The following DNAH6 variants were observed in gnomAD, a reference collection of about 807,000 sequenced individuals.
DNAH6 encodes the protein axonemal beta dynein heavy chain 6.
Under a neutral mutation model 491.4 loss-of-function variants are expected in DNAH6, and 340 were observed. That is an observed-to-expected ratio of 0.69 (90% confidence interval 0.63 to 0.76). The LOEUF (loss-of-function observed/expected upper bound fraction) is 0.76. Among genes scored for constraint, DNAH6 ranks in the 30% least tolerant of loss-of-function variants. DNAH6 has a pLI of 0.00. For synonymous variants in DNAH6, 1,603 were observed against 1,686.1 expected, an observed-to-expected ratio of 0.95 and a Z score of 1.21; for missense variants, 4,443 against 4,972.2, an observed-to-expected ratio of 0.89 and a Z score of 3.20.
At chr2:84,494,287 T>G in the DNAH6 span, among the ~76,000 whole-genome samples, 6 of 152,168 alleles carry the variant, frequency 3.9e-5, no homozygotes, top group South Asian at 2.1e-4. Context: ...CAATGTTGAT[T>G]TGTTTGCCGG....
At chr2:84,734,257 C>T (rs1294094207) in intron 62 of DNAH6, among the ~76,000 whole-genome samples, 1 of 151,162 alleles carries the variant, frequency 6.6e-6, no homozygotes, top group African/African-American at 2.4e-5. Context: ...TCTCTGGCCT[C>T]AGCCTCCCTA....
chr2:84,663,661 G>A (rs890188696), intron 37 of DNAH6, among the ~76,000 whole-genome samples: 1 of 152,088 alleles, frequency 6.6e-6, no homozygotes, highest in Non-Finnish European at 1.5e-5. Flanking sequence ...GAACCAAGTT[G>A]GAAAACACTC....
intron 67 of DNAH6, 151 bp from the exon 68 acceptor site, chr2:84,787,013 A>T: frequency 3.7e-6 from 2 of 543,892 alleles, no homozygotes; most frequent in Non-Finnish European, 3.1e-6. Flanking sequence ...TGTTTGGTGA[A>T]AGCCTAGCTG....
At chr2:84,781,747 C>A (rs1243490572) in intron 65 of DNAH6, 94 bp downstream of exon 65, 2 of 1,357,376 alleles carry the variant, frequency 1.5e-6, no homozygotes, top group African/African-American at 2.9e-5. Context: ...TTATTGTAGG[C>A]ACTGTGTTTC....
At chr2:84,542,302 T>C (rs1474102770) in intron 4 of DNAH6, among the ~76,000 whole-genome samples, 1 of 152,128 alleles carries the variant, frequency 6.6e-6, no homozygotes, top group Non-Finnish European at 1.5e-5. Flanking sequence ...CAAATTGAAG[T>C]TTTACATTTT....
intron 60 of DNAH6, among the ~76,000 whole-genome samples, chr2:84,725,223 T>G (rs1342734063): frequency 2.6e-5 from 4 of 152,236 alleles, no homozygotes; most frequent in Non-Finnish European, 4.4e-5. Flanking sequence ...ACAATTCTTA[T>G]GACAGCTTGA....
intron 3 of DNAH6, among the ~76,000 whole-genome samples, chr2:84,527,547 T>C (rs142719811): frequency 4.6e-5 from 7 of 152,274 alleles, no homozygotes; most frequent in Admixed American, 6.5e-5. Flanking sequence ...ATAAAAATAC[T>C]AAAGTGGACT....
chr2:84,596,318 T>G (rs557966109), intron 18 of DNAH6, among the ~76,000 whole-genome samples: 2 of 152,098 alleles, frequency 1.3e-5, no homozygotes, highest in South Asian at 2.1e-4. Context: ...TAGGGTGTTT[T>G]TTGTTGTTGT....
At chr2:84,729,946 TG>T (rs1294183659) in intron 61 of DNAH6, among the ~76,000 whole-genome samples, 1 of 152,188 alleles carries the variant, frequency 6.6e-6, no homozygotes, top group African/African-American at 2.4e-5. Context: ...AAACTTTTTC[TG>T]TGGAAAAATG....
chr2:84,584,969 T>C (rs937757465), intron 15 of DNAH6: 2 of 152,234 alleles, frequency 1.3e-5, no homozygotes, highest in African/African-American at 4.8e-5. Context: ...TGTACCACTT[T>C]TACAATAGAA....
At chr2:84,557,157 T>C (rs1982594) in intron 10 of DNAH6, among the ~76,000 whole-genome samples, 146,831 of 152,240 alleles carry the variant, frequency 0.96, 70,854 homozygotes, top group East Asian at 1. Flanking sequence ...CCATTATGAC[T>C]TGCTAGTGTT....
intron 14 of DNAH6, among the ~76,000 whole-genome samples, chr2:84,583,750 C>G (rs1192526836): frequency 6.6e-6 from 1 of 152,210 alleles, no homozygotes; most frequent in Non-Finnish European, 1.5e-5. Context: ...CCTGCTGTCA[C>G]GTAAGACATG....
Position 84,548,035 on chromosome 2 carries a change from A to G in DNAH6, c.1187-253A>G, listed in dbSNP as rs182562859. Among the ~76,000 whole-genome samples the G allele has an allele frequency of 3.4e-3, 521 of 152,332 alleles. 1 individual carries two copies. The highest frequency in any genetic ancestry group is 0.011 in the African/African-American group (473 of 41,562). ...AAAGGAGGGTAAAGATGTTCCTAGG[A>G]AAGAGGTAGCATAATATACAGATCA... On this transcript the variant is annotated intron_variant, in intron 7 of 76. Coordinates refer to ENST00000389394, the MANE Select transcript of DNAH6 (RefSeq NM_001370.2).
At position 84,637,216 on chromosome 2, in the gene DNAH6, A is replaced by C. The variant is rs1030934356; in HGVS notation, c.4660A>C (p.Arg1554=). The C allele has an allele frequency of 6.5e-7, 1 of 1,544,338 alleles. No individual in the cohort carries two copies. The highest frequency in any genetic ancestry group is 1.4e-5 in the African/African-American group (1 of 72,862). The change falls in exon 31 of 77, where the codon AGA becomes CGA. Residue 1554 remains arginine (R), a synonymous_variant. Coordinates refer to ENST00000389394, the MANE Select transcript of DNAH6 (RefSeq NM_001370.2). The part of the protein sequence containing the change: ...IRNAKAAKLS[R]FMFEGREIKL... ...ATATTTTATCTTCGAACAGCTCTCT[A>C]GATTCATGTTTGAGGGGCGGGAAAT...
Position 84,699,583 on chromosome 2 carries a change from CTTTT to C in DNAH6, c.7678-9_7678-6del. 1 of 1,543,680 alleles carries C rather than the reference CTTTT, an allele frequency of 6.5e-7. No individual in the cohort carries two copies. Among genetic ancestry groups the C allele is most frequent in the Non-Finnish European group, 8.8e-7 (1 of 1,142,752 alleles). On this transcript the variant is annotated splice_region_variant and splice_polypyrimidine_tract_variant and intron_variant, in intron 47 of 76. Coordinates refer to ENST00000389394, the MANE Select transcript of DNAH6 (RefSeq NM_001370.2). ...TATTTTAAACTGAAAAAATAACTTT[CTTTT>C]TGTCAGGTGTTTCAATACTTTATCA...
chr2:84,469,534 G>A, the DNAH6 span, among the ~76,000 whole-genome samples: 1 of 152,136 alleles, frequency 6.6e-6, no homozygotes, highest in Non-Finnish European at 1.5e-5. The surrounding 1 kb of genome is among the most constrained non-coding windows in gnomAD (Gnocchi z 4.0). Flanking sequence ...AGAAAATATA[G>A]GAAAAGAAAA....
At chr2:84,686,598 A>G (rs1253648248) in intron 44 of DNAH6, 41 bp downstream of exon 44, 4 of 1,149,174 alleles carry the variant, frequency 3.5e-6, no homozygotes, top group Non-Finnish European at 2.5e-6. Context: ...TGAAAATTGT[A>G]AAGCATTTAT....
chr2:84,812,308 C>A, intron 72 of DNAH6, 33 bp from the exon 73 acceptor site: 1 of 1,538,580 alleles, frequency 6.5e-7, no homozygotes, highest in Non-Finnish European at 8.8e-7. Flanking sequence ...ATGACATCTG[C>A]AAAGGCCACC....
chr2:84,615,417 T>C (rs568805546), intron 22 of DNAH6, among the ~76,000 whole-genome samples: 1 of 152,332 alleles, frequency 6.6e-6, no homozygotes, highest in Non-Finnish European at 1.5e-5. Flanking sequence ...ACCAGTACCA[T>C]GCTGTTTTGG....
Sources: gnomAD v4.1 joint callset for allele counts (sites outside exome capture counted in the v4.1 genomes callset) on GRCh38, gnomAD v4.1.1 for gene constraint, Gnocchi (gnomAD v3.1) non-coding constraint, MANE v1.5 for transcripts, NCBI Gene and HGNC (gene_info 2026-07-23, HGNC 2026-07-21) for gene names.